Variants in DOCK10 observed in about 807,000 individuals in gnomAD.
DOCK10 encodes the protein dedicator of cytokinesis protein 10.
DOCK10 carries 145 observed loss-of-function variants against 280.1 expected under a neutral mutation model. That is an observed-to-expected ratio of 0.52 (90% confidence interval 0.45 to 0.59). The LOEUF is 0.59. Among genes scored for constraint, DOCK10 ranks in the 20% least tolerant of loss-of-function variants. DOCK10 has a pLI of 0.00. For synonymous variants in DOCK10, 915 were observed against 942.2 expected (o/e 0.97, Z 0.53); for missense variants, 2,368 against 2,651.7 (o/e 0.89, Z 2.35).
At position 224,875,876 on chromosome 2, in the gene DOCK10, T is replaced by C. The variant is rs11891443; in HGVS notation, c.931+162A>G. On this transcript the variant is annotated intron_variant, in intron 8 of 55. Coordinates refer to ENST00000258390, the MANE Select transcript of DOCK10 (RefSeq NM_014689.3). ...TGTACTTATGTGTGGTGGCCATTAC[T>C]GTGCAGTAAAGATTTAGGAGTGATT... 0.18 allele frequency among the ~76,000 whole-genome samples: 27,368 copies of C among 152,132 alleles called. 4,106 individuals are homozygous for C. Among genetic ancestry groups the C allele is most frequent in the African/African-American group, 0.42 (17,392 of 41,442 alleles).
At chr2:224,779,748 A>G (rs1050637993) in intron 50 of DOCK10, among the ~76,000 whole-genome samples, 1 of 152,222 alleles carries the variant, frequency 6.6e-6, no homozygotes, top group Non-Finnish European at 1.5e-5. Flanking sequence ...GCACTTTCAT[A>G]CATGTAAATA....
intron 1 of DOCK10, among the ~76,000 whole-genome samples, chr2:225,018,971 T>G (rs1689708673): frequency 6.7e-6 from 1 of 150,268 alleles, no homozygotes; most frequent in African/African-American, 2.5e-5. Flanking sequence ...ATATAATATG[T>G]GTATGTATAC....
At chr2:224,873,813 T>C (rs1447320738) in intron 11 of DOCK10, among the ~76,000 whole-genome samples, 183 bp downstream of exon 11, 2 of 152,216 alleles carry the variant, frequency 1.3e-5, no homozygotes, top group African/African-American at 2.4e-5. Context: ...CAGTATATTA[T>C]AAAGTGTTCC....
intron 3 of DOCK10, among the ~76,000 whole-genome samples, chr2:224,906,293 A>G (rs538378224): frequency 1.4e-4 from 21 of 152,242 alleles, no homozygotes; most frequent in African/African-American, 4.8e-4. Context: ...ATAGTCTCCT[A>G]TCTGTTAGTA....
chr2:224,824,161 A>G (rs988662499), intron 27 of DOCK10, among the ~76,000 whole-genome samples: 14 of 152,202 alleles, frequency 9.2e-5, no homozygotes, highest in Non-Finnish European at 1.8e-4. Context: ...GAATACAGAT[A>G]TTGGTTTGAA....
intron 41 of DOCK10, among the ~76,000 whole-genome samples, chr2:224,798,632 A>G (rs558846653): frequency 1.2e-4 from 16 of 136,732 alleles, no homozygotes; most frequent in African/African-American, 3.8e-4. Flanking sequence ...TCCTGGCTCA[A>G]TCTTTTTTTT....
At chr2:224,887,216 G>A (rs568478695) in intron 4 of DOCK10, among the ~76,000 whole-genome samples, 44 of 152,140 alleles carry the variant, frequency 2.9e-4, no homozygotes, top group Admixed American at 2.9e-3. Flanking sequence ...TCATTTCTGT[G>A]TCATCTGTAT....
At position 224,811,083 on chromosome 2, in the gene DOCK10, T is replaced by A. The variant is rs1374098371; in HGVS notation, c.3410-2997A>T. Among the ~76,000 whole-genome samples the A allele has an allele frequency of 2.7e-4, 41 of 152,284 alleles. No homozygotes were observed. In the East Asian group the frequency reaches 7.7e-3, roughly 29 times the overall value. The stretch of plus-strand genomic sequence containing the variant: ...ACACTGACTTCCACAATGGTTGAAC[T>A]AGTTTACACTCCCACCAACAGTGTA... On this transcript the variant is annotated intron_variant, in intron 31 of 55. Transcript: ENST00000258390.
chr2:224,997,556 C>T (rs1428109193), intron 1 of DOCK10, among the ~76,000 whole-genome samples: 2 of 152,120 alleles, frequency 1.3e-5, no homozygotes, highest in Non-Finnish European at 2.9e-5. Context: ...AACAGCAGCA[C>T]CATTTTCCCT....
At chr2:224,953,575 TCCA>T (rs1703879438) in intron 1 of DOCK10, among the ~76,000 whole-genome samples, 1 of 152,204 alleles carries the variant, frequency 6.6e-6, no homozygotes, top group Non-Finnish European at 1.5e-5. Flanking sequence ...ACTGAGCAGC[TCCA>T]AGTTACCAAT....
chr2:224,999,202 A>T (rs1363375695), intron 1 of DOCK10, among the ~76,000 whole-genome samples: 1 of 151,590 alleles, frequency 6.6e-6, no homozygotes, highest in Non-Finnish European at 1.5e-5. Context: ...TATCATTTAT[A>T]GTATTGTTTT....
intron 1 of DOCK10, among the ~76,000 whole-genome samples, chr2:225,021,670 C>T (rs1042561558): frequency 6.6e-6 from 1 of 152,118 alleles, no homozygotes; most frequent in African/African-American, 2.4e-5. Context: ...CTTTGATATC[C>T]TAATGCAGTT....
chr2:224,782,185 G>A lies in DOCK10; in HGVS notation c.5656-3901C>T, dbSNP rs146165773. 7.0e-4 allele frequency among the ~76,000 whole-genome samples: 106 copies of A among 152,266 alleles called. 2 individuals carry two copies. The highest frequency in any genetic ancestry group is 2.4e-3 in the African/African-American group (99 of 41,542). ...TCCTATAGGTGGAGAGCTATATCAT[G>A]TCCCAAAGTGGAGATGATGGTTTTC... On this transcript the variant is annotated intron_variant, in intron 50 of 55. Coordinates refer to ENST00000258390, the MANE Select transcript of DOCK10 (RefSeq NM_014689.3).
At chr2:224,916,250 G>A (rs1016246906) in intron 3 of DOCK10, among the ~76,000 whole-genome samples, 1 of 152,056 alleles carries the variant, frequency 6.6e-6, no homozygotes, top group African/African-American at 2.4e-5. Context: ...ACAAAAATTA[G>A]CCTGGCATGG....
intron 2 of DOCK10, among the ~76,000 whole-genome samples, chr2:224,921,102 A>T (rs1157295533): frequency 0.052 from 2,123 of 41,052 alleles, 64 homozygotes; most frequent in Non-Finnish European, 0.069. Flanking sequence ...TAAAAAAAAA[A>T]AAAAAAAAAA....
At chr2:224,975,605 T>C (rs1705389751) in intron 1 of DOCK10, among the ~76,000 whole-genome samples, 1 of 152,226 alleles carries the variant, frequency 6.6e-6, no homozygotes. Context: ...ACTATAGGGA[T>C]AAGAAGAGAG....
At chr2:225,009,648 A>AAAG (rs1553632106) in intron 1 of DOCK10, among the ~76,000 whole-genome samples, 1,675 of 151,692 alleles carry the variant, frequency 0.011, 29 homozygotes, top group African/African-American at 0.038. Context: ...CAAAAAAAAA[A>AAAG]AAAGAAAGAA....
chr2:225,035,588 A>ATATATATATT (rs1559987127), intron 1 of DOCK10, among the ~76,000 whole-genome samples: 1 of 112,994 alleles, frequency 8.9e-6, no homozygotes, highest in Non-Finnish European at 1.7e-5. Flanking sequence ...ATATATATAT[A>ATATATATATT]ACACTGAATC....
chr2:224,927,076 T>C (rs935846189), intron 2 of DOCK10, among the ~76,000 whole-genome samples: 2 of 152,024 alleles, frequency 1.3e-5, no homozygotes, highest in Non-Finnish European at 2.9e-5. Flanking sequence ...GTGAGGGCAA[T>C]GTAGCTTGGA....
Sources: allele counts gnomAD v4.1 joint callset (sites outside exome capture counted in the v4.1 genomes callset), GRCh38; gene constraint gnomAD v4.1.1; transcripts MANE v1.5; gene names NCBI Gene and HGNC (gene_info 2026-07-23, HGNC 2026-07-21).